EYS: variants seen among roughly 807,000 people sequenced by gnomAD.
EYS encodes the protein protein eyes shut homolog.
A neutral mutation model predicts 282.1 loss-of-function variants in EYS; 250 were observed. That is an observed-to-expected ratio of 0.89 (90% CI 0.80 to 0.98). EYS has a LOEUF of 0.98. Among genes scored for constraint, EYS ranks in the 50% least tolerant of loss-of-function variants. EYS has a pLI of 0.00. For synonymous variants in EYS, 1,355 were observed against 1,282.9 expected (o/e 1.06, Z -1.20); for missense variants, 4,016 against 3,709.0 (o/e 1.08, Z -2.15).
intron 12 of EYS, among the ~76,000 whole-genome samples, chr6:65,237,070 A>T (rs1304330425): frequency 2.0e-5 from 3 of 152,240 alleles, no homozygotes; most frequent in African/African-American, 7.2e-5. Context: ...TATATTAAAT[A>T]CAAAATGAAA....
intron 22 of EYS, among the ~76,000 whole-genome samples, chr6:64,797,181 A>G (rs9351437): frequency 0.49 from 75,085 of 151,822 alleles, 19,964 homozygotes; most frequent in Admixed American, 0.63. Flanking sequence ...CAAACAATTG[A>G]CCAAGAAAAG....
chr6:64,421,273 A>G (rs1198079172), intron 28 of EYS, among the ~76,000 whole-genome samples: 1 of 152,118 alleles, frequency 6.6e-6, no homozygotes, highest in Non-Finnish European at 1.5e-5. Flanking sequence ...AAACCCTCAG[A>G]TCTCATGAGA....
chr6:65,484,740 T>G (rs144815401), intron 5 of EYS, among the ~76,000 whole-genome samples: 22 of 152,328 alleles, frequency 1.4e-4, no homozygotes, highest in African/African-American at 5.3e-4. Context: ...ACTAGTTTTG[T>G]CATAGGGTTT....
At chr6:65,341,065 TTCA>T (rs927651629) in intron 10 of EYS, among the ~76,000 whole-genome samples, 45 of 151,154 alleles carry the variant, frequency 3.0e-4, no homozygotes, top group African/African-American at 1.1e-3. Flanking sequence ...ACTCTCCGTC[TTCA>T]TCACTTTTTC....
intron 5 of EYS, among the ~76,000 whole-genome samples, chr6:65,442,667 T>G (rs985188761): frequency 1.3e-5 from 2 of 151,848 alleles, no homozygotes; most frequent in Non-Finnish European, 2.9e-5. Flanking sequence ...GGCAGGAGAA[T>G]TGTTTGAACC....
At chr6:65,244,019 C>T (rs984709522) in intron 12 of EYS, among the ~76,000 whole-genome samples, 4 of 152,178 alleles carry the variant, frequency 2.6e-5, no homozygotes, top group Admixed American at 2.0e-4. Context: ...TCATAGTCCT[C>T]TTCTCTCCAT....
chr6:64,230,862 T>A, intron 30 of EYS, 38 bp from the exon 31 acceptor site: 1 of 1,233,154 alleles, frequency 8.1e-7, no homozygotes, highest in Non-Finnish European at 1.1e-6. Flanking sequence ...AAAATATAAG[T>A]AAAAGCACTA....
chr6:64,019,850 G>GTATA (rs35642018), intron 33 of EYS, among the ~76,000 whole-genome samples: 4 of 143,528 alleles, frequency 2.8e-5, no homozygotes, highest in Non-Finnish European at 4.5e-5. Context: ...GTATATATAA[G>GTATA]TATATATATA....
At chr6:64,965,322 C>T (rs1770055828) in intron 14 of EYS, among the ~76,000 whole-genome samples, 4 of 151,654 alleles carry the variant, frequency 2.6e-5, no homozygotes, top group Admixed American at 2.6e-4. Context: ...TAGTATTGAC[C>T]ATAAATGATC....
At chr6:64,451,276 C>G (rs986560488) in intron 26 of EYS, among the ~76,000 whole-genome samples, 2 of 152,172 alleles carry the variant, frequency 1.3e-5, no homozygotes. Flanking sequence ...GGATAAATTC[C>G]ATGACACACA....
chr6:65,013,660 G>A (rs1771951766), intron 13 of EYS, among the ~76,000 whole-genome samples: 1 of 152,116 alleles, frequency 6.6e-6, no homozygotes, highest in African/African-American at 2.4e-5. Context: ...AGGATTGTTT[G>A]AGGCCAGAAG....
At chr6:65,377,004 C>G (rs1290347487) in intron 8 of EYS, among the ~76,000 whole-genome samples, 1 of 152,160 alleles carries the variant, frequency 6.6e-6, no homozygotes, top group Admixed American at 6.6e-5. Flanking sequence ...GACTTGAACT[C>G]ACCTCTGGAC....
intron 1 of EYS, among the ~76,000 whole-genome samples, chr6:65,702,877 G>T (rs1769730512): frequency 6.6e-6 from 1 of 151,928 alleles, no homozygotes; most frequent in South Asian, 2.1e-4. Flanking sequence ...CCACTTTTTG[G>T]TCAAACATCA....
intron 22 of EYS, among the ~76,000 whole-genome samples, chr6:64,690,208 C>G (rs1355730930): frequency 6.6e-6 from 1 of 151,894 alleles, no homozygotes; most frequent in African/African-American, 2.4e-5. Context: ...ATTTATGCAG[C>G]CAACAAACAC....
At chr6:65,259,429 T>C (rs1161519973) in intron 12 of EYS, among the ~76,000 whole-genome samples, 2 of 152,100 alleles carry the variant, frequency 1.3e-5, no homozygotes, top group African/African-American at 4.8e-5. Flanking sequence ...AGATTTTGTC[T>C]TTGTGCACCA....
At chr6:65,385,800 C>G (rs1239453775) in intron 7 of EYS, among the ~76,000 whole-genome samples, 1 of 151,848 alleles carries the variant, frequency 6.6e-6, no homozygotes, top group Admixed American at 6.6e-5. Context: ...ATGTACTTTA[C>G]GTCTCTCATT....
chr6:65,329,686 TAATAA>T, intron 11 of EYS: 1 of 981,372 alleles, frequency 1.0e-6, no homozygotes, highest in Non-Finnish European at 1.2e-6. Context: ...TTCAACTTGT[TAATAA>T]AATCACGGAC....
chr6:65,576,467 A>G (rs1764671843), intron 2 of EYS, among the ~76,000 whole-genome samples: 1 of 151,990 alleles, frequency 6.6e-6, no homozygotes, highest in South Asian at 2.1e-4. Context: ...CCCATAGCTA[A>G]CATTATACTA....
chr6:63,730,211 T>TATTA (rs1406573281), intron 41 of EYS, among the ~76,000 whole-genome samples: 1 of 152,246 alleles, frequency 6.6e-6, no homozygotes, highest in East Asian at 1.9e-4. Flanking sequence ...CCCATCTTTC[T>TATTA]ATTACCACTG....
Sources: gnomAD v4.1 joint callset for allele counts (sites outside exome capture counted in the v4.1 genomes callset) on GRCh38, gnomAD v4.1.1 for gene constraint, MANE v1.5 for transcripts, NCBI Gene and HGNC (gene_info 2026-07-23, HGNC 2026-07-21) for gene names.